IL33: variants seen among roughly 807,000 people sequenced by gnomAD.
IL33 encodes the protein interleukin 33, also known as interleukin-33.
A neutral mutation model predicts 27.3 loss-of-function variants in IL33; 37 were observed. The observed-to-expected ratio is 1.36, with a 90% CI of 1.04 to 1.78. The LOEUF (loss-of-function observed/expected upper bound fraction) is 1.78. Ranked by LOEUF, IL33 falls within the 40% of genes most tolerant of loss-of-function variation. The pLI is 0.00. For missense variants in IL33, 406 were observed against 311.4 expected, an observed-to-expected ratio of 1.30 and a Z score of -2.29; for synonymous variants, 132 against 102.9, an observed-to-expected ratio of 1.28 and a Z score of -1.71.
At position 6,256,116 on chromosome 9, in the gene IL33, C is replaced by G; in HGVS notation, c.761C>G (p.Ser254Cys). 1.2e-6 allele frequency: 2 copies of G among 1,613,360 alleles called. No homozygotes were observed. Among genetic ancestry groups the G allele is most frequent in the Non-Finnish European group, 1.7e-6 (2 of 1,179,482 alleles). ...DNHLALIKVD[S>C]SENLCTENIL... ...CATCTTGCTCTGATTAAAGTAGACTCTTCTGAGAATTTGTGTACTGAAAAT... is the reference window on the plus strand; with the variant it reads ...CATCTTGCTCTGATTAAAGTAGACTGTTCTGAGAATTTGTGTACTGAAAAT... The change falls in exon 8 of 8, where the codon TCT becomes TGT. Residue 254 changes from serine to cysteine, a missense_variant. Physicochemically the swap from Ser to Cys is moderately radical, Grantham distance 112. Transcript: ENST00000682010.
intron 3 of IL33, 130 bp downstream of exon 3, chr9:6,250,729 G>T: frequency 9.6e-7 from 1 of 1,042,854 alleles, no homozygotes; most frequent in Non-Finnish European, 1.3e-6. Context: ...ATGATGAACT[G>T]GTTTTTAGCT....
intron 2 of IL33, among the ~76,000 whole-genome samples, chr9:6,244,677 C>A (rs923631811): frequency 1.3e-5 from 2 of 152,274 alleles, no homozygotes; most frequent in South Asian, 4.2e-4. Flanking sequence ...ATTATTTAAA[C>A]AATCCTGGTG....
chr9:6,236,843 C>A (rs1819240314), intron 1 of IL33, among the ~76,000 whole-genome samples: 1 of 152,134 alleles, frequency 6.6e-6, no homozygotes, highest in South Asian at 2.1e-4. Flanking sequence ...TGCACTCCAG[C>A]CTGGGCAGCA....
chr9:6,225,223 T>C (rs1564050252), intron 1 of IL33, among the ~76,000 whole-genome samples: 1 of 152,216 alleles, frequency 6.6e-6, no homozygotes, highest in South Asian at 2.1e-4. Context: ...GATGGGATAT[T>C]GCCCTGTGTA....
chr9:6,255,756 G>T (rs1315224044), intron 7 of IL33, among the ~76,000 whole-genome samples: 2 of 152,128 alleles, frequency 1.3e-5, no homozygotes, highest in Admixed American at 6.6e-5. Context: ...GCCTCTCTAT[G>T]TTGACTATCA....
At chr9:6,233,363 C>A (rs1038366877) in intron 1 of IL33, among the ~76,000 whole-genome samples, 2 of 152,176 alleles carry the variant, frequency 1.3e-5, no homozygotes, top group Non-Finnish European at 2.9e-5. Flanking sequence ...CATTCTCTCA[C>A]TAGTTCCTCC....
intron 2 of IL33, among the ~76,000 whole-genome samples, chr9:6,243,706 A>G (rs1307637511): frequency 6.6e-6 from 1 of 152,158 alleles, no homozygotes; most frequent in Non-Finnish European, 1.5e-5. Context: ...AGTAACACAA[A>G]AGTAAGTTAA....
intron 2 of IL33, among the ~76,000 whole-genome samples, chr9:6,244,835 C>G (rs188120166): frequency 5.3e-5 from 8 of 152,258 alleles, no homozygotes; most frequent in Admixed American, 4.6e-4. Context: ...TTAATTCCTT[C>G]TCTTCTCTTG....
chr9:6,218,887 A>G (rs1464695551), intron 1 of IL33, among the ~76,000 whole-genome samples: 1 of 109,058 alleles, frequency 9.2e-6, no homozygotes, highest in Non-Finnish European at 1.8e-5. Context: ...CTCCATATAT[A>G]TATATGTTCT....
At position 6,243,261 on chromosome 9, in the gene IL33, A is replaced by T. The variant is rs1344665279; in HGVS notation, c.91+1476A>T. Among the ~76,000 whole-genome samples the T allele has an allele frequency of 2.6e-5, 4 of 152,172 alleles. No homozygotes were observed. The East Asian group carries it at 7.7e-4, about 29-fold the overall frequency. On this transcript the variant is annotated intron_variant, in intron 2 of 7. Transcript: ENST00000682010. ...TTGTAGTAAGACAGAAGGTAAGTAAAGTCAGGTGGCAGCTATAGCTCTGAG... is the reference window on the plus strand; with the variant it reads ...TTGTAGTAAGACAGAAGGTAAGTAATGTCAGGTGGCAGCTATAGCTCTGAG...
Position 6,241,632 on chromosome 9 carries a change from G to A in IL33, c.-11-52G>A, listed in dbSNP as rs191604030. ...TAGTGAGCTAGCCACAGTTGTTTCC[G>A]TTTGTTTTTAAGTTGAGACAAATGA... On this transcript the variant is annotated intron_variant, in intron 1 of 7. Transcript: ENST00000682010. 283 of 1,107,140 alleles carry A rather than the reference G, an allele frequency of 2.6e-4. 1 individual carries two copies. In the African/African-American group the frequency reaches 2.9e-3, roughly 11 times the overall value. The allele number at this position is 1,107,140 out of a possible 1,614,324, so 68.6% of individuals were successfully genotyped here. A position where few individuals can be genotyped will look rare whatever the true frequency, so the allele number is the denominator to read the frequency against.
chr9:6,228,693 C>T (rs544272084), intron 1 of IL33, among the ~76,000 whole-genome samples: 1 of 151,540 alleles, frequency 6.6e-6, no homozygotes, highest in African/African-American at 2.4e-5. Context: ...CCTGTCTCTA[C>T]AAAAATAAAA....
intron 1 of IL33, among the ~76,000 whole-genome samples, chr9:6,228,036 A>G (rs1427794543): frequency 6.6e-6 from 1 of 152,212 alleles, no homozygotes; most frequent in Non-Finnish European, 1.5e-5. Context: ...CATATATAAA[A>G]GAGGGATAAT....
chr9:6,217,852 T>TATTTGACAAATTTGAATACTTAATGCTCC (rs1554696671), intron 1 of IL33, among the ~76,000 whole-genome samples: 3 of 152,120 alleles, frequency 2.0e-5, no homozygotes, highest in South Asian at 2.1e-4. Context: ...AGTCAGAGAC[T>TATTTGACAAATTTGAATACTTAATGCTCC]TGAGAGTGAA....
intron 2 of IL33, among the ~76,000 whole-genome samples, chr9:6,243,298 G>C (rs1045530714): frequency 1.3e-5 from 2 of 152,206 alleles, no homozygotes; most frequent in African/African-American, 4.8e-5. Context: ...TTAAAGGGCT[G>C]TATAACTCTT....
Position 6,255,997 on chromosome 9 carries a change from C to G in IL33, c.642C>G (p.Asp214Glu). 6 of 1,613,690 alleles carry G rather than the reference C, an allele frequency of 3.7e-6. No homozygotes were observed. Among genetic ancestry groups the G allele is most frequent in the Non-Finnish European group, 5.1e-6 (6 of 1,179,650 alleles). The change falls in exon 8 of 8, where the codon GAC becomes GAG. Residue 214 changes from aspartate (D) to glutamate (E), a missense_variant. Transcript: ENST00000682010. Reference protein sequence around the residue: ...ELHKCEKPLPDQAFFVLHNMH... With the variant: ...ELHKCEKPLPEQAFFVLHNMH... ...ATAAGTGTGAAAAACCACTGCCAGA[C>G]CAGGCCTTCTTTGTCCTTCATAATA...
At chr9:6,255,484 T>G (rs774599400) in intron 7 of IL33, among the ~76,000 whole-genome samples, 3 of 152,154 alleles carry the variant, frequency 2.0e-5, no homozygotes, top group African/African-American at 7.2e-5. Context: ...ACAGTAACTC[T>G]ACAATGGAGT....
rs773478990 is a variant in IL33 at position 6,253,517 on chromosome 9, G to A, written c.470-35G>A. 15 of 1,514,546 alleles carry A rather than the reference G, an allele frequency of 9.9e-6. No homozygotes were observed. In the Admixed American group the frequency reaches 1.6e-4, roughly 16 times the overall value. The allele number at this position is 1,514,546 out of a possible 1,614,324, so 93.8% of individuals were successfully genotyped here. A position where few individuals can be genotyped will look rare whatever the true frequency, so the allele number is the denominator to read the frequency against. The stretch of plus-strand genomic sequence containing the variant: ...GGAACTGAAAACTTAACAAAATTGT[G>A]TCTCACCAGAGGGATTTTATGCATT... On this transcript the variant is annotated intron_variant, in intron 5 of 7. Transcript: ENST00000682010.
In IL33 at chr9:6,238,216, T is replaced by C. The variant is rs148908795; in HGVS notation, c.-11-3468T>C. On this transcript the variant is annotated intron_variant, in intron 1 of 7. Transcript: ENST00000682010. ...CCTGGTTCTGTTTCATAATCCTGGG[T>C]GAGGCACTTAATCTTCAGAGTTTCA... Among the ~76,000 whole-genome samples the C allele has an allele frequency of 9.0e-4, 137 of 152,300 alleles. 1 individual carries two copies. The highest frequency in any genetic ancestry group is 3.2e-3 in the African/African-American group (132 of 41,574).
Sources: gnomAD v4.1 joint callset for allele counts (sites outside exome capture counted in the v4.1 genomes callset) on GRCh38, gnomAD v4.1.1 for gene constraint, MANE v1.5 for transcripts, NCBI Gene and HGNC (gene_info 2026-07-23, HGNC 2026-07-21) for gene names.